Variants in SMARCC1 observed in about 807,000 individuals in gnomAD.
The protein encoded by SMARCC1 is SWI/SNF complex subunit SMARCC1.
SMARCC1 carries 43 observed loss-of-function variants against 147.4 expected under a neutral mutation model. That is an observed-to-expected ratio of 0.29 (90% CI 0.23 to 0.38). SMARCC1 has a LOEUF of 0.38. Ranked by LOEUF, SMARCC1 falls within the 10% of genes least tolerant of loss-of-function variation. The pLI, the probability that SMARCC1 is intolerant of heterozygous loss-of-function variation, is 1.00. For synonymous variants in SMARCC1, 495 were observed against 484.4 expected, an observed-to-expected ratio of 1.02 and a Z score of -0.29; for missense variants, 1,119 against 1,381.1, an observed-to-expected ratio of 0.81 and a Z score of 3.01.
At chr3:47,633,777 T>TACACACACACACAC (rs1207095997) in intron 24 of SMARCC1, among the ~76,000 whole-genome samples, 15 of 46,520 alleles carry the variant, frequency 3.2e-4, no homozygotes, top group African/African-American at 1.3e-3. Context: ...TATATATATA[T>TACACACACACACAC]ATACACACAC....
intron 7 of SMARCC1, among the ~76,000 whole-genome samples, chr3:47,717,821 C>G (rs2034176064): frequency 6.6e-6 from 1 of 152,024 alleles, no homozygotes; most frequent in African/African-American, 2.4e-5. Flanking sequence ...CCCACCTCAG[C>G]CTCCCAAAGT....
intron 21 of SMARCC1, among the ~76,000 whole-genome samples, chr3:47,656,103 A>T (rs1367077741): frequency 2.6e-5 from 4 of 151,646 alleles, no homozygotes; most frequent in Non-Finnish European, 4.4e-5. Flanking sequence ...CCCAGCTACT[A>T]GGGAGGCTGA....
At chr3:47,732,803 C>G (rs570387345) in intron 5 of SMARCC1, among the ~76,000 whole-genome samples, 7 of 152,208 alleles carry the variant, frequency 4.6e-5, no homozygotes, top group African/African-American at 1.4e-4. Flanking sequence ...ATCACTATAA[C>G]ATGTATAATA....
intron 25 of SMARCC1, among the ~76,000 whole-genome samples, chr3:47,619,177 C>A (rs2032691366): frequency 6.6e-6 from 1 of 152,240 alleles, no homozygotes; most frequent in South Asian, 2.1e-4. Flanking sequence ...ATAGCAGCAT[C>A]TGTACAACTG....
chr3:47,655,406 A>G (rs537443135), intron 21 of SMARCC1, among the ~76,000 whole-genome samples: 2 of 152,032 alleles, frequency 1.3e-5, no homozygotes, highest in Admixed American at 1.3e-4. Flanking sequence ...CTCAAAAAAA[A>G]TAATAATAGG....
chr3:47,736,110 C>A lies in SMARCC1; in HGVS notation c.500G>T (p.Arg167Ile). 3 of 1,585,638 alleles carry A rather than the reference C, an allele frequency of 1.9e-6. No individual in the cohort carries two copies. The highest frequency in any genetic ancestry group is 2.3e-5 in the South Asian group (2 of 86,980). The change falls in exon 5 of 28, where the codon AGA (arginine) becomes ATA (isoleucine). Residue 167 changes from arginine (R) to isoleucine (I), a missense_variant. Around this residue, in one of 6 missense-constraint regions of SMARCC1, gnomAD observed 542 missense variants for 611.8 expected, o/e 0.89. Coordinates refer to ENST00000254480, the MANE Select transcript of SMARCC1 (RefSeq NM_003074.4). ...KTLVQNNCLTRPNIYLIPDID... is the reference protein window; with the variant it reads ...KTLVQNNCLTIPNIYLIPDID... ...GTCTGGAATGAGGTAGATGTTGGGT[C>A]TGGTCAAACAATTGTTCTGAGGATG...
At chr3:47,622,186 T>C (rs370321862) in intron 25 of SMARCC1, 21 bp downstream of exon 25, 8 of 1,592,362 alleles carry the variant, frequency 5.0e-6, no homozygotes, top group South Asian at 3.5e-5. Context: ...AAAAAGCCAC[T>C]AAAAAATTCC....
At chr3:47,724,083 A>G (rs991349290) in intron 6 of SMARCC1, among the ~76,000 whole-genome samples, 3 of 152,364 alleles carry the variant, frequency 2.0e-5, no homozygotes, top group African/African-American at 7.2e-5. Flanking sequence ...ATGATGTAGC[A>G]GCTATGAAAG....
rs569878610 is a variant in SMARCC1 at position 47,647,914 on chromosome 3, T to C, written c.2321-9134A>G. Reference sequence around the variant, plus strand: ...TTATTTCCCATTCTCTGAATAACTTTCCACTTCTGTTTCTGTGACTTCAAT... The same window carrying C: ...TTATTTCCCATTCTCTGAATAACTTCCCACTTCTGTTTCTGTGACTTCAAT... On this transcript the variant is annotated intron_variant, in intron 21 of 27. Coordinates refer to ENST00000254480, the MANE Select transcript of SMARCC1 (RefSeq NM_003074.4). Among the ~76,000 whole-genome samples, 15 of 152,352 alleles carry C rather than the reference T, an allele frequency of 9.8e-5. No homozygotes were observed. In the East Asian group the frequency reaches 2.9e-3, roughly 29 times the overall value.
At chr3:47,659,726 G>A (rs1450318456) in intron 21 of SMARCC1, among the ~76,000 whole-genome samples, 1 of 111,884 alleles carries the variant, frequency 8.9e-6, no homozygotes, top group African/African-American at 3.5e-5. Flanking sequence ...ACCTAAAACT[G>A]CTCTAAGACA....
chr3:47,698,110 TAA>T (rs886312466), intron 11 of SMARCC1, among the ~76,000 whole-genome samples: 1 of 135,010 alleles, frequency 7.4e-6, no homozygotes. Context: ...GCCAACACAT[TAA>T]AAAAAAAAAT....
intron 21 of SMARCC1, among the ~76,000 whole-genome samples, chr3:47,641,098 T>C (rs2033041981): frequency 6.6e-6 from 1 of 152,204 alleles, no homozygotes; most frequent in African/African-American, 2.4e-5. Context: ...GCCAACAGTA[T>C]TCTCTATATA....
rs913036543 is a variant in SMARCC1, at chr3:47,684,464, G to C, written c.1385+1585C>G. ...AATTTTTTTTTTTTTTTGGGAGACA[G>C]AGTATTGCTCTTGTAGCCCAGGCTG... On this transcript the variant is annotated intron_variant, in intron 14 of 27. Transcript: ENST00000254480. 5.4e-5 allele frequency among the ~76,000 whole-genome samples: 8 copies of C among 149,410 alleles called. No individual in the cohort carries two copies. In the East Asian group the frequency reaches 1.6e-3, roughly 29 times the overall value.
intron 6 of SMARCC1, among the ~76,000 whole-genome samples, chr3:47,727,834 A>G (rs1428268637): frequency 1.3e-5 from 2 of 151,576 alleles, no homozygotes; most frequent in Non-Finnish European, 2.9e-5. Context: ...CAGGTGATCC[A>G]CCCGCCTTGG....
rs929455436 is a variant in SMARCC1 at position 47,587,248 on chromosome 3, A to G, written c.*961T>C. 5.9e-5 allele frequency: 9 copies of G among 152,428 alleles called. No individual in the cohort carries two copies. Among genetic ancestry groups the G allele is most frequent in the African/African-American group, 2.2e-4 (9 of 41,388 alleles). 9.4% of individuals were successfully genotyped at this position (152,428 alleles called of 1,614,324 possible). A position where few individuals can be genotyped will look rare whatever the true frequency, so the allele number is the denominator to read the frequency against. The stretch of plus-strand genomic sequence containing the variant: ...ACTATCTACTTTTTTTTTTCTTTTA[A>G]AGGGTTTTTTAAAGAGGGAGAAAAA... On this transcript the variant is annotated 3_prime_UTR_variant, in exon 28 of 28. Coordinates refer to ENST00000254480, the MANE Select transcript of SMARCC1 (RefSeq NM_003074.4).
At chr3:47,765,873 C>G (rs2034834274) in intron 2 of SMARCC1, among the ~76,000 whole-genome samples, 1 of 152,096 alleles carries the variant, frequency 6.6e-6, no homozygotes, top group Admixed American at 6.6e-5. Flanking sequence ...GCTGGGATTA[C>G]AGGCGCCTGC....
chr3:47,755,192 G>C (rs989299936), intron 2 of SMARCC1, among the ~76,000 whole-genome samples: 1 of 151,996 alleles, frequency 6.6e-6, no homozygotes, highest in Non-Finnish European at 1.5e-5. Flanking sequence ...GTCTGAGTGA[G>C]AGTCTGTCTC....
At chr3:47,593,420 C>T (rs572592293) in intron 26 of SMARCC1, among the ~76,000 whole-genome samples, 2 of 152,214 alleles carry the variant, frequency 1.3e-5, no homozygotes, top group African/African-American at 4.8e-5. Context: ...GATCTGCCCG[C>T]CTCGGCCGCC....
intron 24 of SMARCC1, among the ~76,000 whole-genome samples, chr3:47,631,321 G>T (rs2032887400): frequency 6.6e-6 from 1 of 152,172 alleles, no homozygotes; most frequent in South Asian, 2.1e-4. Context: ...TATATATGAG[G>T]TGGTTTGTAG....
Sources: allele counts gnomAD v4.1 joint callset (sites outside exome capture counted in the v4.1 genomes callset), GRCh38; gene constraint gnomAD v4.1.1; regional missense constraint gnomAD v4.1.1; transcripts MANE v1.5; gene names NCBI Gene and HGNC (gene_info 2026-07-23, HGNC 2026-07-21).